Variants in ANGPTL5 observed in about 807,000 individuals in gnomAD.
The protein encoded by ANGPTL5 is angiopoietin like 5.
In ANGPTL5, 34 loss-of-function variants were observed where a neutral mutation model predicts 39.4. The ratio of observed to expected loss-of-function variants is 0.86; its 90% CI spans 0.66 to 1.15. The LOEUF (loss-of-function observed/expected upper bound fraction) is 1.15. Ranked by LOEUF, ANGPTL5 falls within the 50% of genes most tolerant of loss-of-function variation. ANGPTL5 has a pLI of 0.00. For synonymous variants in ANGPTL5, 146 were observed against 152.1 expected, an observed-to-expected ratio of 0.96 and a Z score of 0.29; for missense variants, 467 against 457.5, an observed-to-expected ratio of 1.02 and a Z score of -0.19.
intron 1 of ANGPTL5, among the ~76,000 whole-genome samples, chr11:101,909,057 C>T (rs183043101): frequency 8.5e-5 from 13 of 152,200 alleles, no homozygotes; most frequent in East Asian, 1.9e-4. Context: ...CCTTCTGGTT[C>T]GAGACATTAT....
chr11:101,915,442 T>C (rs1591263574), intron 1 of ANGPTL5: 2 of 1,585,396 alleles, frequency 1.3e-6, no homozygotes, highest in Non-Finnish European at 1.7e-6. Flanking sequence ...GCTGCCAGGG[T>C]AGCGATGTTG....
At chr11:101,896,505 C>T (rs749059760) in intron 7 of ANGPTL5, among the ~76,000 whole-genome samples, 4 of 152,136 alleles carry the variant, frequency 2.6e-5, no homozygotes, top group Non-Finnish European at 5.9e-5. Flanking sequence ...TATCCCTCCT[C>T]TAGCCCCCAC....
In ANGPTL5 at chr11:101,908,514, C is replaced by T. The variant is rs570286842; in HGVS notation, c.-92-513G>A. On this transcript the variant is annotated intron_variant, in intron 1 of 8. Coordinates refer to ENST00000334289, the MANE Select transcript of ANGPTL5 (RefSeq NM_178127.5). ...AATCTCAACGCTGGGCGCAGTGGCT[C>T]ACGCCTGTAATCCCAACACTTTGGG... 2.0e-5 allele frequency among the ~76,000 whole-genome samples: 3 copies of T among 152,286 alleles called. No individual in the cohort carries two copies. The South Asian group carries it at 6.2e-4, about 32-fold the overall frequency.
chr11:101,901,044 A>AT (rs1939889843), intron 6 of ANGPTL5, among the ~76,000 whole-genome samples: 1 of 59,046 alleles, frequency 1.7e-5, no homozygotes, highest in African/African-American at 6.4e-5. Context: ...TTTCTTTTGT[A>AT]TTTTTGTATG....
At chr11:101,891,642 A>G (rs982893481) in intron 8 of ANGPTL5, 44 bp from the exon 9 acceptor site, 12 of 1,541,368 alleles carry the variant, frequency 7.8e-6, no homozygotes, top group Non-Finnish European at 1.1e-5. Context: ...GGAAATTTCT[A>G]TTATTTTAAT....
At chr11:101,897,718 C>T (rs1939824943) in intron 7 of ANGPTL5, among the ~76,000 whole-genome samples, 1 of 152,078 alleles carries the variant, frequency 6.6e-6, no homozygotes, top group African/African-American at 2.4e-5. Context: ...GTCCATATAT[C>T]TGTTTTGGTA....
intron 4 of ANGPTL5, among the ~76,000 whole-genome samples, chr11:101,905,364 C>T (rs1409093085): frequency 1.3e-5 from 2 of 152,174 alleles, no homozygotes; most frequent in Non-Finnish European, 2.9e-5. Context: ...TGTACCAACA[C>T]CAAGAAGTTT....
intron 7 of ANGPTL5, among the ~76,000 whole-genome samples, chr11:101,898,552 A>G (rs113841894): frequency 0.013 from 2,054 of 152,278 alleles, 44 homozygotes; most frequent in African/African-American, 0.047. Flanking sequence ...AGACTGAGGC[A>G]ATGGGGTTTT....
chr11:101,903,261 T>C (rs920207593), intron 5 of ANGPTL5, among the ~76,000 whole-genome samples: 2 of 152,132 alleles, frequency 1.3e-5, no homozygotes, highest in Non-Finnish European at 2.9e-5. Flanking sequence ...TTATGCCTGA[T>C]GTTAGAGCCT....
chr11:101,914,300 T>C (rs1239003019), intron 1 of ANGPTL5, among the ~76,000 whole-genome samples: 3 of 152,222 alleles, frequency 2.0e-5, no homozygotes. Context: ...TCAGCCTTTT[T>C]CAAAACTGTC....
intron 1 of ANGPTL5, among the ~76,000 whole-genome samples, chr11:101,910,903 G>C (rs10895220): frequency 6.6e-6 from 1 of 151,530 alleles, no homozygotes; most frequent in Non-Finnish European, 1.5e-5. Context: ...CTCTTTAAAG[G>C]TTCAATAAAA....
chr11:101,897,996 G>T (rs1939829411), intron 7 of ANGPTL5, among the ~76,000 whole-genome samples: 1 of 152,142 alleles, frequency 6.6e-6, no homozygotes, highest in African/African-American at 2.4e-5. Context: ...GGCCGAGGCA[G>T]GTGGATCACC....
At chr11:101,906,147 T>G (rs554546801) in intron 3 of ANGPTL5, among the ~76,000 whole-genome samples, 1 of 152,152 alleles carries the variant, frequency 6.6e-6, no homozygotes, top group African/African-American at 2.4e-5. Flanking sequence ...AATTCTCACT[T>G]TATAAGATGA....
At chr11:101,913,350 A>C (rs1940124843) in intron 1 of ANGPTL5, among the ~76,000 whole-genome samples, 1 of 152,240 alleles carries the variant, frequency 6.6e-6, no homozygotes, top group Admixed American at 6.5e-5. Flanking sequence ...ATGCATCAGA[A>C]CTACCTTCAT....
chr11:101,909,523 A>G (rs1940055385), intron 1 of ANGPTL5, among the ~76,000 whole-genome samples: 1 of 152,240 alleles, frequency 6.6e-6, no homozygotes. Context: ...GTAATCTTAA[A>G]TTTCTAGTTG....
intron 7 of ANGPTL5, 152 bp downstream of exon 7, chr11:101,900,278 A>G (rs1036510120): frequency 1.7e-5 from 12 of 726,796 alleles, no homozygotes; most frequent in Non-Finnish European, 2.7e-5. Context: ...CTTATTTTAA[A>G]TAATCTGGCA....
chr11:101,902,641 C>A lies in ANGPTL5; in HGVS notation c.520G>T (p.Gly174Ter), dbSNP rs1591255960. The change falls in exon 6 of 9, where the codon GGA (glycine) becomes TGA (stop). Residue 174 changes from glycine (G) to a stop codon, truncating the protein, a stop_gained. Transcript: ENST00000334289. LOFTEE classifies it high-confidence loss of function. ...PSGLYIIHPE[G>*]SSYPFEVMCD... is the part of the protein sequence containing the mutation. ...AATACCTCAAATGGGTAGCTAGATC[C>A]TTCTGGGTGAATTATGTATAAACCA... is the stretch of plus-strand genomic sequence containing the variant. 2 of 1,607,546 alleles carry A rather than the reference C, an allele frequency of 1.2e-6. No individual in the cohort carries two copies. The highest frequency in any genetic ancestry group is 1.7e-4 in the Middle Eastern group (1 of 6,042).
At chr11:101,901,015 C>CTTTTTTTTT (rs34425298) in intron 6 of ANGPTL5, among the ~76,000 whole-genome samples, 39 of 98,616 alleles carry the variant, frequency 4.0e-4, no homozygotes, top group Admixed American at 5.7e-4. Context: ...GCACCCCCGG[C>CTTTTTTTTT]TTTTTTTTTT....
intron 8 of ANGPTL5, among the ~76,000 whole-genome samples, chr11:101,891,973 TTACCAC>T (rs1355404375): frequency 3.3e-5 from 5 of 152,220 alleles, no homozygotes; most frequent in Non-Finnish European, 7.3e-5. Flanking sequence ...GTAGGTTTCC[TTACCAC>T]TACCATTTAT....
Sources: gnomAD v4.1 joint callset for allele counts (sites outside exome capture counted in the v4.1 genomes callset) on GRCh38, gnomAD v4.1.1 for gene constraint, MANE v1.5 for transcripts, NCBI Gene and HGNC (gene_info 2026-07-23, HGNC 2026-07-21) for gene names.